Variants in PLEKHG3 observed in about 807,000 individuals in gnomAD.
PLEKHG3 encodes the protein pleckstrin homology domain-containing family G member 3.
In PLEKHG3, 62 loss-of-function variants were observed where a neutral mutation model predicts 94.9. The ratio of observed to expected loss-of-function variants is 0.65; its 90% confidence interval spans 0.53 to 0.81. PLEKHG3 has a LOEUF of 0.81. Among genes scored for constraint, PLEKHG3 ranks in the 30% least tolerant of loss-of-function variants. The probability of loss-of-function intolerance (pLI) is 0.00; values close to 1 mark genes in which losing one functional copy is unlikely to be tolerated. For missense variants in PLEKHG3, 1,461 were observed against 1,619.3 expected, an observed-to-expected ratio of 0.90 and a Z score of 1.68; for synonymous variants, 614 against 654.0, an observed-to-expected ratio of 0.94 and a Z score of 0.93.
At chr14:64,707,314 G>A (rs575990426) in intron 1 of PLEKHG3, among the ~76,000 whole-genome samples, 6 of 152,268 alleles carry the variant, frequency 3.9e-5, no homozygotes, top group South Asian at 4.1e-4. Flanking sequence ...TTCCCACACC[G>A]TCTTTTCTCA....
chr14:64,730,764 C>G lies in PLEKHG3; in HGVS notation c.567-35C>G. 5 of 1,612,360 alleles carry G rather than the reference C, an allele frequency of 3.1e-6. No homozygotes were observed. In the South Asian group the frequency reaches 4.4e-5, roughly 14 times the overall value. ...CCCCCCACTTCCTCATCCAGGCCTT[C>G]CCCAGGTGGTGACTGGCCCTTCTCC... On this transcript the variant is annotated intron_variant, in intron 5 of 16. Coordinates refer to ENST00000247226, the MANE Select transcript of PLEKHG3 (RefSeq NM_001308147.2). The surrounding 1 kb of genome is among the most constrained non-coding windows in gnomAD (Gnocchi z 5.4).
rs1428179294 is a variant in PLEKHG3 at position 64,738,229 on chromosome 14, G to C, written c.1405-513G>C. On this transcript the variant is annotated intron_variant, in intron 14 of 16. Transcript: ENST00000247226. This position sits in a 1 kb window ranked among gnomAD's most constrained non-coding sequence, Gnocchi z 4.8. ...CTTTTCTCCCGGGGCGCTATGGTGA[G>C]GTGTCTCTTCGATCTCCCCTCCTCC... 1 of 1,287,090 alleles carries C rather than the reference G, an allele frequency of 7.8e-7. No homozygotes were observed. Among genetic ancestry groups the C allele is most frequent in the African/African-American group, 1.5e-5 (1 of 65,772 alleles). 79.7% of individuals were successfully genotyped at this position (1,287,090 alleles called of 1,614,324 possible).
At chr14:64,712,324 T>C (rs2081076025) in intron 1 of PLEKHG3, among the ~76,000 whole-genome samples, 2 of 152,142 alleles carry the variant, frequency 1.3e-5, no homozygotes, top group South Asian at 4.1e-4. Context: ...TGCTTTTCCA[T>C]ATGAATTTTA....
Position 64,738,089 on chromosome 14 carries a change from A to AGAGGAG in PLEKHG3, c.1405-640_1405-635dup, listed in dbSNP as rs546769475. 119 of 1,302,776 alleles carry AGAGGAG rather than the reference A, an allele frequency of 9.1e-5. 1 individual carries two copies. The African/African-American group carries it at 1.6e-3, about 17-fold the overall frequency. 80.7% of individuals were successfully genotyped at this position (1,302,776 alleles called of 1,614,324 possible). On this transcript the variant is annotated intron_variant, in intron 14 of 16. Transcript: ENST00000247226. This position sits in a 1 kb window ranked among gnomAD's most constrained non-coding sequence, Gnocchi z 4.8. ...GGGCTGGGCCGGAGCCCCCAGGCTC[A>AGAGGAG]GAGGAGGAGGAGGAGGAGCAGGAGG...
chr14:64,731,304 A>C lies in PLEKHG3; in HGVS notation c.850-57A>C. 1 of 1,516,990 alleles carries C rather than the reference A, an allele frequency of 6.6e-7. No individual in the cohort carries two copies. The highest frequency in any genetic ancestry group is 1.1e-5 in the South Asian group (1 of 88,596). The allele number at this position is 1,516,990 out of a possible 1,614,324, so 94.0% of individuals were successfully genotyped here. On this transcript the variant is annotated intron_variant, in intron 7 of 16. Transcript: ENST00000247226. This position sits in a 1 kb window ranked among gnomAD's most constrained non-coding sequence, Gnocchi z 6.1. The stretch of plus-strand genomic sequence containing the variant: ...GGGGAGCCTTTGTGGCAGGGTTTGC[A>C]GAGCCTCCTAAGGCCCCAGTGGCCT...
rs938649499 is a variant in PLEKHG3 at position 64,723,307 on chromosome 14, C to T, written c.-39-4286C>T. On this transcript the variant is annotated intron_variant, in intron 1 of 16. Transcript: ENST00000247226. This position sits in a 1 kb window ranked among gnomAD's most constrained non-coding sequence, Gnocchi z 4.5. Reference sequence around the variant, plus strand: ...GAAAGCCTGGCTGGGTGTGGTGGCTCACACCTGTTAATCCCAGCACTTTAG... The same window carrying T: ...GAAAGCCTGGCTGGGTGTGGTGGCTTACACCTGTTAATCCCAGCACTTTAG... 4.6e-5 allele frequency among the ~76,000 whole-genome samples: 7 copies of T among 152,090 alleles called. No homozygotes were observed. The highest frequency in any genetic ancestry group is 1.7e-4 in the African/African-American group (7 of 41,422).
chr14:64,733,253 C>T (rs922111192), intron 12 of PLEKHG3, among the ~76,000 whole-genome samples: 4 of 151,184 alleles, frequency 2.6e-5, no homozygotes, highest in African/African-American at 4.9e-5. Context: ...CAACCTCTGC[C>T]TCCTGGGTTC....
At chr14:64,735,791 C>T (rs555113563) in intron 12 of PLEKHG3, among the ~76,000 whole-genome samples, 2 of 152,288 alleles carry the variant, frequency 1.3e-5, no homozygotes, top group Non-Finnish European at 2.9e-5. Flanking sequence ...CTTCTGCTTC[C>T]CACTCAGAGA....
In PLEKHG3 at chr14:64,746,283, T is replaced by A. The variant is rs1321811896; in HGVS notation, c.*2580T>A. The A allele has an allele frequency of 6.6e-6, 1 of 152,282 alleles. No homozygotes were observed. Among genetic ancestry groups the A allele is most frequent in the Admixed American group, 6.5e-5 (1 of 15,274 alleles). 9.4% of individuals were successfully genotyped at this position (152,282 alleles called of 1,614,324 possible). A position where few individuals can be genotyped will look rare whatever the true frequency, so the allele number is the denominator to read the frequency against. On this transcript the variant is annotated 3_prime_UTR_variant, in exon 17 of 17. Transcript: ENST00000247226. This position sits in a 1 kb window ranked among gnomAD's most constrained non-coding sequence, Gnocchi z 4.9. ...GTTAAATAAGAAACTGAGAGAAACA[T>A]GGAGCATTATTGATTTATTAGAAAA...
In PLEKHG3 at chr14:64,746,528, C is replaced by A. The variant is rs1347012981; in HGVS notation, c.*2825C>A. ...TTCATCCTCCTCTGGATTCCTGCCC[C>A]CCTCCCATGAAGGGAGGAAGAGGAT... On this transcript the variant is annotated 3_prime_UTR_variant, in exon 17 of 17. Transcript: ENST00000247226. The surrounding 1 kb of genome is among the most constrained non-coding windows in gnomAD (Gnocchi z 4.9). 4 of 152,658 alleles carry A rather than the reference C, an allele frequency of 2.6e-5. No homozygotes were observed. The highest frequency in any genetic ancestry group is 4.4e-5 in the Non-Finnish European group (3 of 68,066). The allele number at this position is 152,658 out of a possible 1,614,324, so 9.5% of individuals were successfully genotyped here. A position where few individuals can be genotyped will look rare whatever the true frequency, so the allele number is the denominator to read the frequency against.
chr14:64,736,325 C>T (rs539061929), intron 12 of PLEKHG3, among the ~76,000 whole-genome samples: 22 of 152,370 alleles, frequency 1.4e-4, no homozygotes, highest in African/African-American at 4.3e-4. Flanking sequence ...CTCTCCCCAG[C>T]GGTCAGCGAG....
chr14:64,709,465 G>T (rs1237379806), intron 1 of PLEKHG3, among the ~76,000 whole-genome samples: 1 of 152,176 alleles, frequency 6.6e-6, no homozygotes, highest in Non-Finnish European at 1.5e-5. Context: ...CTTTCATGCT[G>T]AGCAGACTTG....
rs1329319549 is a variant in PLEKHG3 at position 64,748,391 on chromosome 14, G to A, written c.*4688G>A. 5 of 152,404 alleles carry A rather than the reference G, an allele frequency of 3.3e-5. No individual in the cohort carries two copies. Among genetic ancestry groups the A allele is most frequent in the Admixed American group, 3.3e-4 (5 of 15,294 alleles). The allele number at this position is 152,404 out of a possible 1,614,324, so 9.4% of individuals were successfully genotyped here. A position where few individuals can be genotyped will look rare whatever the true frequency, so the allele number is the denominator to read the frequency against. On this transcript the variant is annotated 3_prime_UTR_variant, in exon 17 of 17. Coordinates refer to ENST00000247226, the MANE Select transcript of PLEKHG3 (RefSeq NM_001308147.2). ...GGATATTGCTGGTTTGGCTGCCACTGGGAGTGGGGCGAGGGTCCCAGCATT... is the reference window on the plus strand; with the variant it reads ...GGATATTGCTGGTTTGGCTGCCACTAGGAGTGGGGCGAGGGTCCCAGCATT...
intron 1 of PLEKHG3, among the ~76,000 whole-genome samples, chr14:64,724,139 G>C (rs1159018144): frequency 6.6e-6 from 1 of 151,996 alleles, no homozygotes; most frequent in Non-Finnish European, 1.5e-5. Flanking sequence ...CACCAGGGGA[G>C]GCACTTTAAC....
chr14:64,738,995 G>A lies in PLEKHG3; in HGVS notation c.1518+140G>A. The A allele has an allele frequency of 6.2e-6, 4 of 645,382 alleles. No individual in the cohort carries two copies. The allele number at this position is 645,382 out of a possible 1,614,324, so 40.0% of individuals were successfully genotyped here. ...GATTCCCCACCTCCCAGGACTCTCA[G>A]CCCTGCATGAAGCCTGTTTGGCCTA... On this transcript the variant is annotated intron_variant, in intron 15 of 16. Transcript: ENST00000247226. This position sits in a 1 kb window ranked among gnomAD's most constrained non-coding sequence, Gnocchi z 4.8.
Position 64,731,929 on chromosome 14 carries a change from G to A in PLEKHG3, c.1125+123G>A. ...CCCAGTGTCTCCATCTGTGAGGCAA[G>A]GATCATTGCAGGCACCTCTCAGGGT... On this transcript the variant is annotated intron_variant, in intron 9 of 16. Transcript: ENST00000247226. This position sits in a 1 kb window ranked among gnomAD's most constrained non-coding sequence, Gnocchi z 6.1. The A allele has an allele frequency of 1.2e-6, 1 of 867,208 alleles. No homozygotes were observed. The allele number at this position is 867,208 out of a possible 1,614,324, so 53.7% of individuals were successfully genotyped here.
Position 64,738,933 on chromosome 14 carries a change from C to T in PLEKHG3, c.1518+78C>T. ...TTTTCAAGTCTGCAAATAGGGCTTT[C>T]AGGCACAGGCTCTCCCACTGGGCCC... On this transcript the variant is annotated intron_variant, in intron 15 of 16. Transcript: ENST00000247226. This position sits in a 1 kb window ranked among gnomAD's most constrained non-coding sequence, Gnocchi z 4.8. 2.3e-6 allele frequency: 2 copies of T among 865,504 alleles called. No individual in the cohort carries two copies. Among genetic ancestry groups the T allele is most frequent in the Non-Finnish European group, 3.8e-6 (2 of 525,110 alleles). 53.6% of individuals were successfully genotyped at this position (865,504 alleles called of 1,614,324 possible).
chr14:64,738,671 C>A lies in PLEKHG3; in HGVS notation c.1405-71C>A. On this transcript the variant is annotated intron_variant, in intron 14 of 16. Transcript: ENST00000247226. This position sits in a 1 kb window ranked among gnomAD's most constrained non-coding sequence, Gnocchi z 4.8. ...GCCCCTTGGGGCGTGGGAGGCACTG[C>A]CCGTGTTGGGATGCAGAAGGGATCA... 1.8e-6 allele frequency: 2 copies of A among 1,108,966 alleles called. No homozygotes were observed. Among genetic ancestry groups the A allele is most frequent in the Non-Finnish European group, 2.7e-6 (2 of 744,418 alleles). The allele number at this position is 1,108,966 out of a possible 1,614,324, so 68.7% of individuals were successfully genotyped here. A position where few individuals can be genotyped will look rare whatever the true frequency, so the allele number is the denominator to read the frequency against.
intron 12 of PLEKHG3, 91 bp from the exon 13 acceptor site, chr14:64,736,762 G>C: frequency 1.1e-6 from 1 of 931,592 alleles, no homozygotes; most frequent in South Asian, 1.3e-5. Flanking sequence ...CTTTGAGCTG[G>C]TGATGGGCTG....
Sources: gnomAD v4.1 joint callset for allele counts (sites outside exome capture counted in the v4.1 genomes callset) on GRCh38, gnomAD v4.1.1 for gene constraint, Gnocchi (gnomAD v3.1) non-coding constraint, MANE v1.5 for transcripts, NCBI Gene and HGNC (gene_info 2026-07-23, HGNC 2026-07-21) for gene names.